The following UBR3 variants were observed in gnomAD, a reference collection of about 807,000 sequenced individuals.
The protein encoded by UBR3 is E3 ubiquitin-protein ligase UBR3.
UBR3 carries 85 observed loss-of-function variants against 243.2 expected under a neutral mutation model. That is an observed-to-expected ratio of 0.35 (90% CI 0.29 to 0.42). UBR3 has a LOEUF of 0.42. Among genes scored for constraint, UBR3 ranks in the 10% least tolerant of loss-of-function variants. The probability of loss-of-function intolerance (pLI) is 1.00; values close to 1 mark genes in which losing one functional copy is unlikely to be tolerated. For synonymous variants in UBR3, 748 were observed against 799.8 expected, an observed-to-expected ratio of 0.94 and a Z score of 1.09; for missense variants, 1,686 against 2,300.8, an observed-to-expected ratio of 0.73 and a Z score of 5.47.
At chr2:169,989,298 A>G (rs892484808) in intron 25 of UBR3, among the ~76,000 whole-genome samples, 6 of 151,926 alleles carry the variant, frequency 3.9e-5, no homozygotes, top group Non-Finnish European at 5.9e-5. Flanking sequence ...TTATTTATTT[A>G]TTTTGCTTAA....
At chr2:170,035,925 T>C (rs1405098616) in intron 31 of UBR3, among the ~76,000 whole-genome samples, 1 of 143,774 alleles carries the variant, frequency 7.0e-6, no homozygotes, top group Non-Finnish European at 1.5e-5. Flanking sequence ...GGGGGGTTGC[T>C]AATTTAAATG....
At chr2:170,071,696 C>T (rs924269189) in intron 35 of UBR3, among the ~76,000 whole-genome samples, 3 of 152,134 alleles carry the variant, frequency 2.0e-5, no homozygotes, top group Non-Finnish European at 4.4e-5. Context: ...TGAAAATTAA[C>T]ATGTTTCTCA....
At chr2:169,842,368 A>G (rs902231978) in intron 1 of UBR3, among the ~76,000 whole-genome samples, 1 of 152,182 alleles carries the variant, frequency 6.6e-6, no homozygotes, top group Admixed American at 6.5e-5. Context: ...AAAACAGGCC[A>G]CTGGGCTCTA....
chr2:169,874,198 C>CG (rs2083524224), intron 2 of UBR3, among the ~76,000 whole-genome samples: 2 of 148,052 alleles, frequency 1.4e-5, no homozygotes, highest in South Asian at 4.2e-4. Flanking sequence ...GATGGAGTTT[C>CG]GCTCTTATTG....
At chr2:169,832,656 C>G (rs1027224064) in intron 1 of UBR3, among the ~76,000 whole-genome samples, 2 of 146,420 alleles carry the variant, frequency 1.4e-5, no homozygotes, top group Admixed American at 1.4e-4. Context: ...TTATGGGGGC[C>G]GGGCGTGGTG....
chr2:169,955,299 A>G (rs979875449), intron 23 of UBR3, among the ~76,000 whole-genome samples: 1 of 152,000 alleles, frequency 6.6e-6, no homozygotes, highest in Non-Finnish European at 1.5e-5. Flanking sequence ...TATCAACTTT[A>G]TATTCATTTA....
chr2:170,035,273 C>T (rs751124133), intron 31 of UBR3, among the ~76,000 whole-genome samples: 1 of 151,848 alleles, frequency 6.6e-6, no homozygotes, highest in African/African-American at 2.4e-5. Flanking sequence ...TAGGTTTTCT[C>T]CTATAAGAAT....
At chr2:169,927,057 A>G in intron 16 of UBR3, 86 bp downstream of exon 16, 1 of 1,423,296 alleles carries the variant, frequency 7.0e-7, no homozygotes, top group South Asian at 1.3e-5. Context: ...GCTTAGGGAA[A>G]AAAGGAAAGG....
intron 19 of UBR3, 83 bp from the exon 20 acceptor site, chr2:169,942,409 GA>G: frequency 1.5e-6 from 2 of 1,339,434 alleles, no homozygotes; most frequent in Non-Finnish European, 2.0e-6. Context: ...TATTGTGACA[GA>G]AATTGGTGTC....
At chr2:169,829,890 A>G (rs2081877839) in intron 1 of UBR3, among the ~76,000 whole-genome samples, 1 of 151,626 alleles carries the variant, frequency 6.6e-6, no homozygotes, top group Non-Finnish European at 1.5e-5. Context: ...CTATCTGTCC[A>G]GTTCCTTCCC....
At chr2:170,027,344 G>A (rs1160546567) in intron 30 of UBR3, among the ~76,000 whole-genome samples, 1 of 150,132 alleles carries the variant, frequency 6.7e-6, no homozygotes, top group African/African-American at 2.4e-5. Context: ...TCATCTTTCT[G>A]GTCTATTATA....
At chr2:169,866,103 A>G (rs2105305849) in intron 1 of UBR3, among the ~76,000 whole-genome samples, 1 of 129,218 alleles carries the variant, frequency 7.7e-6, no homozygotes, top group Middle Eastern at 4.2e-3. Flanking sequence ...GTGAGCTGGT[A>G]TGGTGCCACT....
At chr2:170,073,265 C>G (rs2091737715) in intron 35 of UBR3, 163 bp from the exon 36 acceptor site, 4 of 687,508 alleles carry the variant, frequency 5.8e-6, no homozygotes, top group Non-Finnish European at 9.6e-6. Context: ...CAGCTAGGAA[C>G]CTTTTTCTCT....
At chr2:169,950,546 G>A (rs2086974842) in intron 23 of UBR3, among the ~76,000 whole-genome samples, 2 of 151,398 alleles carry the variant, frequency 1.3e-5, no homozygotes, top group African/African-American at 4.9e-5. Flanking sequence ...TCTAGCTTTT[G>A]GATCTTTAGG....
chr2:169,950,320 G>T (rs1198522531), intron 23 of UBR3, among the ~76,000 whole-genome samples: 1 of 151,992 alleles, frequency 6.6e-6, no homozygotes, highest in Admixed American at 6.6e-5. Flanking sequence ...TGGAAAAATT[G>T]CTACTGCTTT....
At chr2:169,923,436 T>C (rs1020876480) in intron 11 of UBR3, among the ~76,000 whole-genome samples, 1 of 152,220 alleles carries the variant, frequency 6.6e-6, no homozygotes, top group Non-Finnish European at 1.5e-5. Context: ...TAGTAGCTCC[T>C]ACCCCATAGC....
chr2:169,922,170 C>CA (rs1445052562), intron 11 of UBR3, among the ~76,000 whole-genome samples: 41 of 151,736 alleles, frequency 2.7e-4, no homozygotes, highest in Admixed American at 2.6e-3. Context: ...TCTGTAGTCC[C>CA]AGCTGCTCAG....
intron 24 of UBR3, among the ~76,000 whole-genome samples, chr2:169,972,014 A>C (rs201801495): frequency 1.6e-3 from 250 of 152,146 alleles, no homozygotes; most frequent in African/African-American, 5.7e-3. Flanking sequence ...TTGATAGACC[A>C]CTAGCAAGAC....
chr2:169,901,104 C>T (rs769900653), intron 8 of UBR3, among the ~76,000 whole-genome samples: 1 of 152,146 alleles, frequency 6.6e-6, no homozygotes, highest in African/African-American at 2.4e-5. Flanking sequence ...ATACTCTTCT[C>T]TACTTGTCCT....
Sources: allele counts gnomAD v4.1 joint callset (sites outside exome capture counted in the v4.1 genomes callset), GRCh38; gene constraint gnomAD v4.1.1; transcripts MANE v1.5; gene names NCBI Gene and HGNC (gene_info 2026-07-23, HGNC 2026-07-21).